MROH1: variants seen among roughly 807,000 people sequenced by gnomAD.
MROH1 encodes the protein maestro heat-like repeat-containing protein family member 1.
Under a neutral mutation model 116.5 loss-of-function variants are expected in MROH1, and 117 were observed. The observed-to-expected ratio is 1.00, with a 90% confidence interval of 0.86 to 1.17. The LOEUF (loss-of-function observed/expected upper bound fraction) is 1.17, where lower values mean the gene tolerates loss of function less well. MROH1 is among the 50% of genes most tolerant of loss of function. The pLI, the probability that MROH1 is intolerant of heterozygous loss-of-function variation, is 0.00. For missense variants in MROH1, 1,873 were observed against 1,338.5 expected, an observed-to-expected ratio of 1.40 and a Z score of -6.23; for synonymous variants, 921 against 583.9, an observed-to-expected ratio of 1.58 and a Z score of -8.32.
intron 7 of MROH1, 128 bp from the exon 8 acceptor site, chr8:144,190,656 G>A (rs1418439529): frequency 9.3e-7 from 1 of 1,074,006 alleles, no homozygotes; most frequent in African/African-American, 1.6e-5. Flanking sequence ...TTGTGTGCTT[G>A]GCTGGTGTTC....
In MROH1 at chr8:144,189,806, G is replaced by A. The variant is rs143271990; in HGVS notation, c.563-978G>A. ...TGGCACAAGTCTGTCTGTGAGGATG[G>A]GTGGGCGTGGCACTGCTCCTCTTGT... is the stretch of plus-strand genomic sequence containing the variant. On this transcript the variant is annotated intron_variant, in intron 7 of 43. Coordinates refer to ENST00000326134, the MANE Select transcript of MROH1 (RefSeq NM_032450.3). 4.6e-5 allele frequency among the ~76,000 whole-genome samples: 7 copies of A among 152,344 alleles called. No homozygotes were observed. The East Asian group carries it at 1.3e-3, about 29-fold the overall frequency.
chr8:144,178,285 CCA>C (rs1159854323), intron 4 of MROH1, among the ~76,000 whole-genome samples: 1 of 152,116 alleles, frequency 6.6e-6, no homozygotes, highest in Non-Finnish European at 1.5e-5. Context: ...GTGTGCGCCA[CCA>C]CACACGGCTA....
At chr8:144,200,318 C>T in intron 11 of MROH1, 110 bp from the exon 12 acceptor site, 1 of 870,634 alleles carries the variant, frequency 1.1e-6, no homozygotes, top group Non-Finnish European at 1.7e-6. Flanking sequence ...TTCTCACCTT[C>T]ACACAGCAAC....
chr8:144,223,280 C>T (rs1442354378), intron 14 of MROH1, 50 bp downstream of exon 14: 1 of 1,548,126 alleles, frequency 6.5e-7, no homozygotes, highest in East Asian at 2.4e-5. Context: ...TGCCCCTGGC[C>T]TGTGTTAGGC....
At chr8:144,191,041 A>G (rs10108542) in intron 8 of MROH1, 106 bp downstream of exon 8, 1,308,152 of 1,311,246 alleles carry the variant, frequency 1, 652,575 homozygotes, top group East Asian at 1. Context: ...TTGCATTGGC[A>G]AGCAGAGGTG....
intron 32 of MROH1, among the ~76,000 whole-genome samples, chr8:144,249,719 T>A (rs1842525201): frequency 6.6e-6 from 1 of 152,068 alleles, no homozygotes; most frequent in African/African-American, 2.4e-5. Flanking sequence ...CCAAGTCCCA[T>A]CCTTCCGTCT....
chr8:144,152,544 T>A (rs1248643428), intron 1 of MROH1, among the ~76,000 whole-genome samples: 1 of 138,296 alleles, frequency 7.2e-6, no homozygotes, highest in African/African-American at 3.2e-5. Context: ...GTGTGAAAAA[T>A]TATTATTATT....
intron 12 of MROH1, among the ~76,000 whole-genome samples, chr8:144,217,942 A>G (rs113758911): frequency 0.027 from 3,078 of 112,994 alleles, 276 homozygotes; most frequent in Non-Finnish European, 0.03. Context: ...CTGCGTTAGC[A>G]GCCCAGGATC....
At chr8:144,181,294 C>CCCGGTGATGGGGGAGGGGT (rs1564413803) in intron 7 of MROH1, among the ~76,000 whole-genome samples, 3 of 148,722 alleles carry the variant, frequency 2.0e-5, no homozygotes, top group African/African-American at 5.1e-5. Context: ...GGGGGAGGGG[C>CCCGGTGATGGGGGAGGGGT]CCGGTGATGG....
chr8:144,221,776 C>T (rs927919246), intron 13 of MROH1, among the ~76,000 whole-genome samples: 1 of 152,130 alleles, frequency 6.6e-6, no homozygotes, highest in African/African-American at 2.4e-5. Flanking sequence ...AACCGGCTCG[C>T]TCCTCCACAC....
intron 1 of MROH1, among the ~76,000 whole-genome samples, chr8:144,153,196 TC>T (rs1817267778): frequency 6.8e-6 from 1 of 147,076 alleles, no homozygotes; most frequent in African/African-American, 2.7e-5. Context: ...TGACAGGAAT[TC>T]CTTCTTTTTT....
At chr8:144,195,767 G>A (rs11985926) in intron 10 of MROH1, among the ~76,000 whole-genome samples, 150,342 of 152,112 alleles carry the variant, frequency 0.99, 74,316 homozygotes, top group East Asian at 1. Flanking sequence ...TGCAGTGGCA[G>A]TAACAGCTCA....
intron 25 of MROH1, 48 bp from the exon 26 acceptor site, chr8:144,243,815 G>C: frequency 6.6e-6 from 5 of 755,714 alleles, no homozygotes; most frequent in East Asian, 2.5e-5. Context: ...CCAGGGAGGA[G>C]AGCTGGCGTT....
chr8:144,242,901 C>T (rs1443432606), intron 24 of MROH1, among the ~76,000 whole-genome samples: 1 of 152,208 alleles, frequency 6.6e-6, no homozygotes, highest in Non-Finnish European at 1.5e-5. Flanking sequence ...CCCCACCCGT[C>T]CCAGGACAGC....
intron 12 of MROH1, among the ~76,000 whole-genome samples, chr8:144,219,019 G>C (rs536643217): frequency 7.0e-6 from 1 of 142,500 alleles, no homozygotes; most frequent in South Asian, 2.3e-4. Flanking sequence ...GTTTTTTTTT[G>C]TTGTTGTTGT....
chr8:144,181,339 G>T (rs1265409955), intron 7 of MROH1, among the ~76,000 whole-genome samples: 1 of 130,936 alleles, frequency 7.6e-6, no homozygotes, highest in African/African-American at 3.8e-5. Flanking sequence ...GGCCTGGTGG[G>T]GCCCGGGCAG....
chr8:144,259,269 T>A lies in MROH1; in HGVS notation c.3959T>A (p.Leu1320His), dbSNP rs1844511709. The A allele has an allele frequency of 1.4e-6, 1 of 714,494 alleles. No individual in the cohort carries two copies. The highest frequency in any genetic ancestry group is 2.0e-5 in the Admixed American group (1 of 50,004). 44.3% of individuals were successfully genotyped at this position (714,494 alleles called of 1,614,324 possible). A position where few individuals can be genotyped will look rare whatever the true frequency, so the allele number is the denominator to read the frequency against. ...ATGGCTGAGCACGCAGGGCCCCGAC[T>A]CCCCCTGGTGCTGAAGACGCTGGCA... ...RAMAEHAGPR[L>H]PLVLKTLACT... Residue 1320 changes from leucine (L) to histidine (H), a missense_variant, in exon 37 of 44, where the codon CTC (leucine) becomes CAC (histidine). Transcript: ENST00000326134.
chr8:144,212,046 G>T (rs1255414234), intron 12 of MROH1, among the ~76,000 whole-genome samples: 1 of 150,500 alleles, frequency 6.6e-6, no homozygotes, highest in Admixed American at 6.7e-5. Context: ...AAATAGCCCT[G>T]GTTCCTTTTA....
intron 2 of MROH1, among the ~76,000 whole-genome samples, chr8:144,162,546 C>T (rs999702879): frequency 1.2e-4 from 18 of 151,850 alleles, no homozygotes; most frequent in African/African-American, 4.4e-4. Flanking sequence ...CAGGCATGAG[C>T]CACCAGACTG....
Sources: allele counts gnomAD v4.1 joint callset (sites outside exome capture counted in the v4.1 genomes callset), GRCh38; gene constraint gnomAD v4.1.1; transcripts MANE v1.5; gene names NCBI Gene and HGNC (gene_info 2026-07-23, HGNC 2026-07-21).